RNLS: variants seen among roughly 807,000 people sequenced by gnomAD.
The protein encoded by RNLS is renalase, FAD dependent amine oxidase, also known as renalase.
A neutral mutation model predicts 39.8 loss-of-function variants in RNLS; 39 were observed. That is an observed-to-expected ratio of 0.98 (90% CI 0.76 to 1.28). The LOEUF is 1.28. Ranked by LOEUF, RNLS falls within the 50% of genes most tolerant of loss-of-function variation. The pLI is 0.00. For synonymous variants in RNLS, 147 were observed against 150.7 expected, an observed-to-expected ratio of 0.98 and a Z score of 0.18; for missense variants, 410 against 413.3, an observed-to-expected ratio of 0.99 and a Z score of 0.07.
rs145186627 is a variant in RNLS at position 88,387,106 on chromosome 10, A to G, written c.527-24381T>C. On this transcript the variant is annotated intron_variant, in intron 4 of 6. Transcript: ENST00000331772. ...ATTGAACATGGAATAGCTGTCCTCT[A>G]TTTCTCAAGGGAAAAAATATACAGT... 3.2e-3 allele frequency among the ~76,000 whole-genome samples: 481 copies of G among 152,304 alleles called. 4 individuals are homozygous for G. The highest frequency in any genetic ancestry group is 0.011 in the African/African-American group (444 of 41,552).
chr10:88,277,448 G>A (rs1842852009), intron 6 of RNLS, among the ~76,000 whole-genome samples: 1 of 151,996 alleles, frequency 6.6e-6, no homozygotes, highest in Admixed American at 6.6e-5. Context: ...TGCACGTTGT[G>A]CACAGGTACC....
chr10:88,435,649 A>G (rs979714538), intron 4 of RNLS, among the ~76,000 whole-genome samples: 16 of 152,106 alleles, frequency 1.1e-4, no homozygotes, highest in African/African-American at 3.6e-4. Flanking sequence ...AACTATCTCA[A>G]TAGATAGCTG....
chr10:88,480,571 G>A (rs1311212184), intron 4 of RNLS, among the ~76,000 whole-genome samples: 3 of 152,118 alleles, frequency 2.0e-5, no homozygotes, highest in Admixed American at 6.5e-5. Context: ...ACAGGCATGC[G>A]TCACCACGCC....
intron 4 of RNLS, among the ~76,000 whole-genome samples, chr10:88,459,563 T>A (rs1842829898): frequency 1.3e-5 from 2 of 152,140 alleles, no homozygotes; most frequent in South Asian, 4.1e-4. Flanking sequence ...GCTAATCAAT[T>A]TTAGAGTCAA....
chr10:88,370,109 T>G (rs1277245298), intron 4 of RNLS, among the ~76,000 whole-genome samples: 1 of 152,196 alleles, frequency 6.6e-6, no homozygotes, highest in East Asian at 1.9e-4. Flanking sequence ...TGAAGCCAAG[T>G]TGAAACATTA....
intron 4 of RNLS, among the ~76,000 whole-genome samples, chr10:88,479,223 C>A (rs372629033): frequency 6.6e-6 from 1 of 152,050 alleles, no homozygotes; most frequent in African/African-American, 2.4e-5. Flanking sequence ...TATATCAGAG[C>A]GAAAAGTCAA....
chr10:88,184,805 C>G, the RNLS span, among the ~76,000 whole-genome samples: 25 of 152,246 alleles, frequency 1.6e-4, 1 homozygote, highest in South Asian at 4.3e-3. Flanking sequence ...TTTGCTGCAA[C>G]CATAAATCTT....
exon 7 of RNLS, chr10:88,274,897 G>A: frequency 1.7e-6 from 2 of 1,191,718 alleles, no homozygotes; most frequent in South Asian, 2.4e-5. Context: ...TAAAGGCTGT[G>A]AAGTGGTATC....
At chr10:88,247,700 C>T in the RNLS span, among the ~76,000 whole-genome samples, 1 of 152,164 alleles carries the variant, frequency 6.6e-6, no homozygotes, top group African/African-American at 2.4e-5. Flanking sequence ...TGTTATGCTA[C>T]CTGGCAAGCA....
At chr10:88,519,864 T>G (rs1052321190) in intron 4 of RNLS, among the ~76,000 whole-genome samples, 19 of 151,882 alleles carry the variant, frequency 1.3e-4, no homozygotes, top group African/African-American at 4.1e-4. Flanking sequence ...CTAAATGTAT[T>G]TAGCGCTGCC....
the RNLS span, among the ~76,000 whole-genome samples, chr10:88,216,021 T>C: frequency 2.0e-5 from 3 of 152,202 alleles, no homozygotes; most frequent in African/African-American, 4.8e-5. Flanking sequence ...TTGCTACTTA[T>C]TCATTACTTA....
At chr10:88,562,258 A>G (rs1849237001) in intron 4 of RNLS, among the ~76,000 whole-genome samples, 2 of 152,122 alleles carry the variant, frequency 1.3e-5, no homozygotes, top group Non-Finnish European at 2.9e-5. Context: ...CATAGCATTT[A>G]ATAGAGAAAA....
intron 5 of RNLS, among the ~76,000 whole-genome samples, chr10:88,360,427 A>G: frequency 6.6e-6 from 1 of 152,008 alleles, no homozygotes; most frequent in East Asian, 1.9e-4. Context: ...CTTGATTAGT[A>G]TTATTATTTA....
chr10:88,414,748 C>A (rs1055059874), intron 4 of RNLS, among the ~76,000 whole-genome samples: 1 of 152,136 alleles, frequency 6.6e-6, no homozygotes, highest in Non-Finnish European at 1.5e-5. Context: ...GTTCTATCAA[C>A]CTGCCCATTA....
At chr10:88,500,047 T>C (rs922142031) in intron 4 of RNLS, among the ~76,000 whole-genome samples, 1 of 152,156 alleles carries the variant, frequency 6.6e-6, no homozygotes, top group African/African-American at 2.4e-5. Context: ...ACAGTCAACC[T>C]GTAAAGATTT....
intron 4 of RNLS, among the ~76,000 whole-genome samples, chr10:88,545,832 G>C (rs1848278516): frequency 6.6e-6 from 1 of 152,158 alleles, no homozygotes; most frequent in Non-Finnish European, 1.5e-5. Flanking sequence ...CATAATGCCA[G>C]ACTTGGCTGT....
chr10:88,199,841 C>T, the RNLS span, among the ~76,000 whole-genome samples: 1 of 152,186 alleles, frequency 6.6e-6, no homozygotes, highest in African/African-American at 2.4e-5. Context: ...TTAAAATCTT[C>T]CCTTCCCTGA....
Position 88,485,977 on chromosome 10 carries a change from A to G in RNLS, c.526+86926T>C, listed in dbSNP as rs1256710716. 2.0e-5 allele frequency among the ~76,000 whole-genome samples: 3 copies of G among 152,056 alleles called. No individual in the cohort carries two copies. In the East Asian group the frequency reaches 5.8e-4, roughly 29 times the overall value. On this transcript the variant is annotated intron_variant, in intron 4 of 6. Coordinates refer to ENST00000331772, the MANE Select transcript of RNLS (RefSeq NM_001031709.3). Reference sequence around the variant, plus strand: ...CAAAGAACAAATACTTAAATTGAACATCTTCAAAATTAAAAATTTTTATTT... The same window carrying G: ...CAAAGAACAAATACTTAAATTGAACGTCTTCAAAATTAAAAATTTTTATTT...
intron 4 of RNLS, among the ~76,000 whole-genome samples, chr10:88,470,852 G>A (rs1456461824): frequency 6.6e-6 from 1 of 152,090 alleles, no homozygotes; most frequent in African/African-American, 2.4e-5. Context: ...CTGACCTTGT[G>A]ATCCACCCGC....
Sources: gnomAD v4.1 joint callset for allele counts (sites outside exome capture counted in the v4.1 genomes callset) on GRCh38, gnomAD v4.1.1 for gene constraint, MANE v1.5 for transcripts, NCBI Gene and HGNC (gene_info 2026-07-23, HGNC 2026-07-21) for gene names.